The following ROBO2 variants were observed in gnomAD, a reference collection of about 807,000 sequenced individuals.
The protein encoded by ROBO2 is roundabout homolog 2.
ROBO2 carries 53 observed loss-of-function variants against 160.8 expected under a neutral mutation model. The ratio of observed to expected loss-of-function variants is 0.33; its 90% CI spans 0.26 to 0.41. The LOEUF is 0.41. Ranked by LOEUF, ROBO2 falls within the 10% of genes least tolerant of loss-of-function variation. The probability of loss-of-function intolerance (pLI) is 1.00; values close to 1 mark genes in which losing one functional copy is unlikely to be tolerated. For missense variants in ROBO2, 1,577 were observed against 1,722.4 expected (o/e 0.92, Z 1.49); for synonymous variants, 664 against 611.7 (o/e 1.09, Z -1.26).
intron 2 of ROBO2, among the ~76,000 whole-genome samples, chr3:77,379,726 A>G (rs12488430): frequency 0.12 from 18,598 of 152,044 alleles, 1,333 homozygotes; most frequent in Middle Eastern, 0.17. Context: ...CTGCTACTTC[A>G]CTTCAATACA....
intron 17 of ROBO2, among the ~76,000 whole-genome samples, chr3:77,592,208 G>T (rs977049971): frequency 6.6e-6 from 1 of 152,064 alleles, no homozygotes; most frequent in Non-Finnish European, 1.5e-5. Flanking sequence ...GTACTAAATT[G>T]TATGTGAACC....
At chr3:77,525,902 T>C (rs1408274924) in intron 6 of ROBO2, among the ~76,000 whole-genome samples, 1 of 149,714 alleles carries the variant, frequency 6.7e-6, no homozygotes, top group African/African-American at 2.4e-5. Flanking sequence ...AATTCAAAGA[T>C]GAAAAACAAA....
intron 2 of ROBO2, among the ~76,000 whole-genome samples, chr3:76,052,749 A>G (rs2067698057): frequency 6.6e-6 from 1 of 151,992 alleles, no homozygotes; most frequent in Non-Finnish European, 1.5e-5. Flanking sequence ...GCATAATCTA[A>G]CATTCATATC....
chr3:76,439,757 G>C (rs1015857173), intron 2 of ROBO2, among the ~76,000 whole-genome samples: 1 of 152,158 alleles, frequency 6.6e-6, no homozygotes, highest in Non-Finnish European at 1.5e-5. Context: ...ATATCTGCCT[G>C]TCAATGCATG....
At chr3:76,453,065 C>G (rs112927767) in intron 2 of ROBO2, among the ~76,000 whole-genome samples, 6,987 of 152,024 alleles carry the variant, frequency 0.046, 490 homozygotes, top group African/African-American at 0.15. Flanking sequence ...ATTGTAGATT[C>G]TGGATATTAG....
At chr3:76,041,134 G>A (rs796911729) in intron 2 of ROBO2, among the ~76,000 whole-genome samples, 18 of 152,064 alleles carry the variant, frequency 1.2e-4, no homozygotes, top group African/African-American at 4.3e-4. Context: ...ATGCTTAATC[G>A]GAAATCCTGC....
chr3:76,104,139 A>G (rs1353688361), intron 2 of ROBO2, among the ~76,000 whole-genome samples: 1 of 152,216 alleles, frequency 6.6e-6, no homozygotes, highest in African/African-American at 2.4e-5. Context: ...ACAAATCTGG[A>G]GAAAATATAC....
chr3:76,107,664 C>T (rs2070007329), intron 2 of ROBO2, among the ~76,000 whole-genome samples: 1 of 151,970 alleles, frequency 6.6e-6, no homozygotes, highest in South Asian at 2.1e-4. Context: ...AATTAAGGTA[C>T]AGACATGTTC....
At chr3:76,887,059 A>G (rs940964209) in intron 2 of ROBO2, among the ~76,000 whole-genome samples, 1 of 152,188 alleles carries the variant, frequency 6.6e-6, no homozygotes, top group Non-Finnish European at 1.5e-5. Context: ...GTATTTATTG[A>G]CAGATTTAAA....
chr3:77,015,606 A>C (rs1340951032), intron 2 of ROBO2, among the ~76,000 whole-genome samples: 4 of 152,238 alleles, frequency 2.6e-5, no homozygotes, highest in Non-Finnish European at 5.9e-5. Flanking sequence ...AGAAGGGGCT[A>C]AACAATATGG....
chr3:76,464,385 C>T (rs757722488), intron 2 of ROBO2, among the ~76,000 whole-genome samples: 18 of 152,076 alleles, frequency 1.2e-4, no homozygotes, highest in East Asian at 3.9e-4. Context: ...AGAACAAAAC[C>T]CCTTCAAGGT....
intron 1 of ROBO2, among the ~76,000 whole-genome samples, chr3:77,061,474 G>A (rs904686089): frequency 6.6e-6 from 1 of 152,136 alleles, no homozygotes; most frequent in Non-Finnish European, 1.5e-5. Flanking sequence ...GGGCAGCAAG[G>A]GTAGGCTGGG....
intron 2 of ROBO2, among the ~76,000 whole-genome samples, chr3:76,992,369 A>ATATATATATATT (rs1491181246): frequency 2.3e-4 from 7 of 30,240 alleles, no homozygotes; most frequent in Non-Finnish European, 4.0e-4. Flanking sequence ...ATATATATAT[A>ATATATATATATT]AATTTAGCTT....
intron 2 of ROBO2, among the ~76,000 whole-genome samples, chr3:76,579,758 C>CA (rs1192423570): frequency 5.2e-5 from 4 of 76,334 alleles, no homozygotes; most frequent in African/African-American, 2.1e-4. Flanking sequence ...TTGCTCCTTT[C>CA]AAAAAAGCTA....
chr3:76,999,433 G>A (rs965125106), intron 2 of ROBO2, among the ~76,000 whole-genome samples: 1 of 152,094 alleles, frequency 6.6e-6, no homozygotes, highest in Non-Finnish European at 1.5e-5. Context: ...TATCCAACAT[G>A]CCTGCTGTTA....
intron 2 of ROBO2, among the ~76,000 whole-genome samples, chr3:76,625,924 A>G (rs2089610700): frequency 6.6e-6 from 1 of 152,132 alleles, no homozygotes; most frequent in South Asian, 2.1e-4. Flanking sequence ...AGTGAAGGGT[A>G]AGGGCAAAGG....
chr3:76,816,207 C>T (rs1665766087), intron 2 of ROBO2, among the ~76,000 whole-genome samples: 1 of 152,038 alleles, frequency 6.6e-6, no homozygotes, highest in African/African-American at 2.4e-5. Context: ...AATGTGGTGA[C>T]AAGACATTCA....
intron 2 of ROBO2, among the ~76,000 whole-genome samples, chr3:77,422,100 G>T (rs991638916): frequency 2.0e-5 from 3 of 152,268 alleles, no homozygotes; most frequent in Admixed American, 6.5e-5. Context: ...ACTAGAAAAC[G>T]CCAACATCGG....
chr3:77,131,831 A>C (rs748207701), intron 2 of ROBO2, among the ~76,000 whole-genome samples: 1 of 152,142 alleles, frequency 6.6e-6, no homozygotes, highest in Non-Finnish European at 1.5e-5. Context: ...TTTGTTTATC[A>C]GATTTGACAA....
Sources: gnomAD v4.1 joint callset for allele counts (sites outside exome capture counted in the v4.1 genomes callset) on GRCh38, gnomAD v4.1.1 for gene constraint, MANE v1.5 for transcripts, NCBI Gene and HGNC (gene_info 2026-07-23, HGNC 2026-07-21) for gene names.